Variants in PLAAT3 observed in about 807,000 individuals in gnomAD.
PLAAT3 encodes phospholipase A and acyltransferase 3, also known as Ca-independent phospholipase A1/2.
PLAAT3 carries 21 observed loss-of-function variants against 16.7 expected under a neutral mutation model. The observed-to-expected ratio is 1.26, with a 90% confidence interval of 0.89 to 1.81. PLAAT3 has a LOEUF of 1.81. PLAAT3 is among the 40% of genes most tolerant of loss of function. The probability of loss-of-function intolerance (pLI) is 0.00; values close to 1 mark genes in which losing one functional copy is unlikely to be tolerated. For synonymous variants in PLAAT3, 76 were observed against 81.7 expected (o/e 0.93, Z 0.38); for missense variants, 219 against 213.7 (o/e 1.02, Z -0.16).
At chr11:63,577,741 T>A (rs1275728220) in intron 4 of PLAAT3, among the ~76,000 whole-genome samples, 1 of 152,168 alleles carries the variant, frequency 6.6e-6, no homozygotes, top group Non-Finnish European at 1.5e-5. Flanking sequence ...CTCGGCCTCT[T>A]GGCTAAGATC....
intron 3 of PLAAT3, among the ~76,000 whole-genome samples, chr11:63,595,442 C>G (rs891303516): frequency 6.6e-6 from 1 of 152,130 alleles, no homozygotes; most frequent in Non-Finnish European, 1.5e-5. Flanking sequence ...ATTCCTGCTA[C>G]TCACAGCAGC....
At chr11:63,590,779 G>C (rs1439683812) in intron 3 of PLAAT3, among the ~76,000 whole-genome samples, 1 of 152,168 alleles carries the variant, frequency 6.6e-6, no homozygotes. Context: ...CAGAAAACAT[G>C]GCTGGGTTTT....
intron 4 of PLAAT3, among the ~76,000 whole-genome samples, chr11:63,582,365 GCA>G (rs1937841961): frequency 6.6e-6 from 1 of 152,128 alleles, no homozygotes; most frequent in African/African-American, 2.4e-5. Context: ...GGAGCAACCA[GCA>G]CAGAGGGAAG....
intron 2 of PLAAT3, among the ~76,000 whole-genome samples, chr11:63,608,107 G>A (rs190716211): frequency 7.4e-4 from 113 of 152,264 alleles, no homozygotes; most frequent in African/African-American, 2.5e-3. Flanking sequence ...GCTTGAACCC[G>A]GGAGGCAGAG....
chr11:63,604,737 T>C lies in PLAAT3; in HGVS notation c.16-6574A>G, dbSNP rs948462488. Among the ~76,000 whole-genome samples the C allele has an allele frequency of 7.2e-5, 11 of 152,094 alleles. 1 individual carries two copies. Among genetic ancestry groups the C allele is most frequent in the Admixed American group, 6.6e-4 (10 of 15,254 alleles). ...CAGATGATGCCATTGCACTCCAATC[T>C]AGGCGACAGAGCAAGACTGCCTCAA... On this transcript the variant is annotated intron_variant, in intron 2 of 4. Coordinates refer to ENST00000415826, the MANE Select transcript of PLAAT3 (RefSeq NM_001128203.2).
chr11:63,611,071 T>C (rs1247426330), intron 2 of PLAAT3, among the ~76,000 whole-genome samples: 1 of 152,054 alleles, frequency 6.6e-6, no homozygotes, highest in African/African-American at 2.4e-5. Flanking sequence ...GGAGCAAGAT[T>C]GCTGTAGAGG....
chr11:63,614,197 TC>T (rs1351368384), intron 1 of PLAAT3, 129 bp from the exon 2 acceptor site: 1 of 729,724 alleles, frequency 1.4e-6, no homozygotes, highest in African/African-American at 1.8e-5. Context: ...ACCACCTCGC[TC>T]CCTTTAACAA....
At chr11:63,602,180 C>T (rs1274114842) in intron 2 of PLAAT3, among the ~76,000 whole-genome samples, 1 of 151,256 alleles carries the variant, frequency 6.6e-6, no homozygotes, top group Non-Finnish European at 1.5e-5. Flanking sequence ...ATACCAGCTA[C>T]TTGGGAGGCT....
chr11:63,604,840 G>A (rs1938517245), intron 2 of PLAAT3, among the ~76,000 whole-genome samples: 1 of 151,974 alleles, frequency 6.6e-6, no homozygotes, highest in African/African-American at 2.4e-5. Flanking sequence ...ATTGAGCTAA[G>A]ACTTGACAGA....
chr11:63,579,892 A>C (rs1937755992), intron 4 of PLAAT3, among the ~76,000 whole-genome samples: 1 of 139,390 alleles, frequency 7.2e-6, no homozygotes, highest in African/African-American at 2.8e-5. Context: ...AAAAAAAAAG[A>C]AGAAGACAAT....
chr11:63,586,210 T>C (rs1937972793), intron 4 of PLAAT3, among the ~76,000 whole-genome samples: 1 of 152,188 alleles, frequency 6.6e-6, no homozygotes. Flanking sequence ...CTTGGCTCAC[T>C]GCAACCTCCA....
rs1938124328 is a variant in PLAAT3 at position 63,590,455 on chromosome 11, C to G, written c.119-87G>C. ...GCTGGCCCCCAGCCGGGCATCTGCC[C>G]TTGGCTCATCCACAAAGGATAAGCA... On this transcript the variant is annotated intron_variant, in intron 3 of 4. Transcript: ENST00000415826. The G allele has an allele frequency of 2.6e-6, 3 of 1,136,618 alleles. No individual in the cohort carries two copies. In the African/African-American group the frequency reaches 4.5e-5, roughly 17 times the overall value. 70.4% of individuals were successfully genotyped at this position (1,136,618 alleles called of 1,614,324 possible).
At chr11:63,615,788 C>A (rs1938858802), upstream of PLAAT3, among the ~76,000 whole-genome samples, 1 of 151,870 alleles carries the variant, frequency 6.6e-6, no homozygotes, top group Non-Finnish European at 1.5e-5. Flanking sequence ...CTGCCTCAGC[C>A]TCCGGAGTAG....
chr11:63,611,358 C>T (rs1322338633), intron 2 of PLAAT3, among the ~76,000 whole-genome samples: 2 of 152,162 alleles, frequency 1.3e-5, no homozygotes, highest in Non-Finnish European at 2.9e-5. Flanking sequence ...TAAACAATGT[C>T]AGTGATAAAA....
At chr11:63,601,980 C>A (rs368176742) in intron 2 of PLAAT3, among the ~76,000 whole-genome samples, 810 of 99,312 alleles carry the variant, frequency 8.2e-3, no homozygotes, top group East Asian at 0.011. Flanking sequence ...AACTCTGTCT[C>A]AAAAAAAAAA....
chr11:63,578,001 G>A (rs1029355277), intron 4 of PLAAT3, among the ~76,000 whole-genome samples: 7 of 152,168 alleles, frequency 4.6e-5, no homozygotes, highest in East Asian at 1.9e-4. Flanking sequence ...AGAACAATCC[G>A]GCTGGGTGCA....
chr11:63,578,820 T>C (rs373447575), intron 4 of PLAAT3, among the ~76,000 whole-genome samples: 2,896 of 151,420 alleles, frequency 0.019, 96 homozygotes, highest in African/African-American at 0.066. Context: ...GGGCAAGGAC[T>C]TCATGTCTAA....
intron 2 of PLAAT3, among the ~76,000 whole-genome samples, chr11:63,603,753 CA>C (rs1565255533): frequency 0.046 from 1,516 of 33,172 alleles, 41 homozygotes; most frequent in African/African-American, 0.18. Flanking sequence ...CACACACACA[CA>C]GACAGAGATA....
At position 63,590,334 on chromosome 11, in the gene PLAAT3, C is replaced by T. The variant is rs200391078; in HGVS notation, c.153G>A (p.Met51Ile). The T allele has an allele frequency of 1.2e-5, 19 of 1,613,978 alleles. 1 individual carries two copies. The Admixed American group carries it at 2.8e-4, about 24-fold the overall frequency. Residue 51 changes from methionine to isoleucine, a missense_variant, in exon 4 of 5, where the codon ATG (methionine) becomes ATA (isoleucine). Transcript: ENST00000415826. ...EVAGAGAASV[M>I]SALTDKAIVK... ...CGATGGCCTTGTCAGTCAGGGCGGACATGACACTGGCTGCACCAGCTCCTG... is the reference window on the plus strand; with the variant it reads ...CGATGGCCTTGTCAGTCAGGGCGGATATGACACTGGCTGCACCAGCTCCTG...
Sources: gnomAD v4.1 joint callset for allele counts (sites outside exome capture counted in the v4.1 genomes callset) on GRCh38, gnomAD v4.1.1 for gene constraint, MANE v1.5 for transcripts, NCBI Gene and HGNC (gene_info 2026-07-23, HGNC 2026-07-21) for gene names.